Variants in SNAP47 observed in about 807,000 individuals in gnomAD.
SNAP47 encodes the protein synaptosome associated protein 47.
In SNAP47, 20 loss-of-function variants were observed where a neutral mutation model predicts 31.4. That is an observed-to-expected ratio of 0.64 (90% CI 0.45 to 0.93). The LOEUF is 0.93. Ranked by LOEUF, SNAP47 falls within the 40% of genes least tolerant of loss-of-function variation. The pLI is 0.00. For missense variants in SNAP47, 492 were observed against 528.5 expected (o/e 0.93, Z 0.68); for synonymous variants, 194 against 213.4 (o/e 0.91, Z 0.79).
At chr1:227,734,603 CGCAGCGCTAGGGAAG>C, upstream of SNAP47, 1 of 1,597,586 alleles carries the variant, frequency 6.3e-7, no homozygotes, top group Non-Finnish European at 8.6e-7. Context: ...TCTGGGTTCA[CGCAGCGCTAGGGAAG>C]GCAGCGCCTC....
upstream of SNAP47, chr1:227,733,642 C>T (rs1396321795): frequency 3.7e-6 from 6 of 1,604,434 alleles, no homozygotes; most frequent in Non-Finnish European, 4.2e-6. Context: ...CATTGACAGA[C>T]CAGCTGAAGG....
intron 2 of SNAP47, among the ~76,000 whole-genome samples, chr1:227,755,315 C>T (rs1193635085): frequency 6.6e-6 from 1 of 152,178 alleles, no homozygotes; most frequent in East Asian, 1.9e-4. Flanking sequence ...GTGATCCTCC[C>T]ACCTCAGCCT....
At chr1:227,739,217 A>G (rs1217008502) in intron 1 of SNAP47, among the ~76,000 whole-genome samples, 2 of 151,974 alleles carry the variant, frequency 1.3e-5, no homozygotes, top group Non-Finnish European at 2.9e-5. Context: ...CTGGAATGCA[A>G]TAGCGCTATC....
intron 1 of SNAP47, among the ~76,000 whole-genome samples, chr1:227,739,037 T>C (rs1442295031): frequency 6.6e-6 from 1 of 152,182 alleles, no homozygotes; most frequent in Non-Finnish European, 1.5e-5. Context: ...TGGAGTGTTA[T>C]CAGCTCTCAT....
intron 4 of SNAP47, among the ~76,000 whole-genome samples, chr1:227,771,126 G>C (rs1012608349): frequency 2.0e-5 from 3 of 152,144 alleles, no homozygotes; most frequent in Non-Finnish European, 4.4e-5. Context: ...GGGAGGCCAG[G>C]CTCCTTCTCC....
At chr1:227,775,660 T>C (rs1664115522) in intron 4 of SNAP47, 1 of 927,284 alleles carries the variant, frequency 1.1e-6, no homozygotes, top group African/African-American at 1.7e-5. Flanking sequence ...GGTGCGCGCA[T>C]GGACACACAG....
At chr1:227,738,330 G>A (rs1395722325) in intron 1 of SNAP47, among the ~76,000 whole-genome samples, 1 of 152,106 alleles carries the variant, frequency 6.6e-6, no homozygotes, top group Non-Finnish European at 1.5e-5. Context: ...GTGAGCCACC[G>A]CACACCCAGC....
At position 227,759,025 on chromosome 1, in the gene SNAP47, G is replaced by T; in HGVS notation, c.528G>T (p.Trp176Cys). The T allele has an allele frequency of 6.2e-7, 1 of 1,606,384 alleles. No homozygotes were observed. Among genetic ancestry groups the T allele is most frequent in the Non-Finnish European group, 8.5e-7 (1 of 1,177,148 alleles). The change falls in exon 3 of 5, where the codon TGG becomes TGT. Residue 176 changes from tryptophan to cysteine, a missense_variant. Transcript: ENST00000617596. Reference protein sequence around the residue: ...RLLTELESPAWWPFSSKLWKT... With the variant: ...RLLTELESPACWPFSSKLWKT... The stretch of plus-strand genomic sequence containing the variant: ...TGACAGAACTGGAATCTCCTGCTTG[G>T]TGGCCCTTTAGCTCCAAGCTTTGGA...
At chr1:227,751,743 G>GTTT (rs1480767642) in intron 2 of SNAP47, among the ~76,000 whole-genome samples, 1 of 110,528 alleles carries the variant, frequency 9.0e-6, no homozygotes, top group Admixed American at 1.0e-4. Flanking sequence ...ATAAAGACTT[G>GTTT]GTTTTTTTTT....
At chr1:227,734,352 TAAA>T (rs56684758), upstream of SNAP47, 1,073 of 77,294 alleles carry the variant, frequency 0.014, no homozygotes, top group South Asian at 0.045. Context: ...CTAGTCTCTT[TAAA>T]AAAAAAAAAA....
upstream of SNAP47, chr1:227,734,254 G>A (rs757617374): frequency 3.8e-5 from 21 of 555,848 alleles, no homozygotes; most frequent in Non-Finnish European, 6.3e-5. Context: ...TACTGATCAT[G>A]CCTATAATCC....
intron 2 of SNAP47, among the ~76,000 whole-genome samples, chr1:227,755,240 G>A (rs1055294310): frequency 2.6e-5 from 4 of 152,154 alleles, no homozygotes; most frequent in Middle Eastern, 3.4e-3. Flanking sequence ...ATCTTACTCC[G>A]TCACTTGGGC....
intron 3 of SNAP47, among the ~76,000 whole-genome samples, chr1:227,765,718 A>C (rs1163138684): frequency 3.9e-5 from 6 of 152,108 alleles, no homozygotes; most frequent in Admixed American, 3.9e-4. Flanking sequence ...TTCCCACCTG[A>C]GTCTCACCCC....
At chr1:227,731,906 A>G (rs1236668039), upstream of SNAP47, 3 of 166,528 alleles carry the variant, frequency 1.8e-5, no homozygotes, top group African/African-American at 7.2e-5. Flanking sequence ...ACAGCCCATC[A>G]CCTGGAGGTG....
upstream of SNAP47, chr1:227,733,122 G>T: frequency 2.2e-6 from 3 of 1,364,652 alleles, no homozygotes; most frequent in Non-Finnish European, 3.0e-6. Flanking sequence ...GTGGGGTCCA[G>T]CCCTCTGCAG....
At chr1:227,768,247 A>G (rs1663564996) in intron 4 of SNAP47, 4 of 984,704 alleles carry the variant, frequency 4.1e-6, no homozygotes, top group Non-Finnish European at 3.6e-6. Context: ...CTTCCCCTAC[A>G]GTTGATTCCT....
At chr1:227,737,035 G>GT (rs1376184107) in intron 1 of SNAP47, among the ~76,000 whole-genome samples, 1 of 152,228 alleles carries the variant, frequency 6.6e-6, no homozygotes, top group African/African-American at 2.4e-5. Context: ...GCCTGGAAAT[G>GT]TTAAAGGCCC....
At chr1:227,775,914 C>A (rs1297517357) in intron 4 of SNAP47, 3 of 1,302,390 alleles carry the variant, frequency 2.3e-6, no homozygotes, top group Non-Finnish European at 2.0e-6. Context: ...TCTTCCAGAA[C>A]AGCCTTTGCT....
upstream of SNAP47, chr1:227,732,957 T>C (rs904010806): frequency 1.5e-5 from 24 of 1,613,348 alleles, no homozygotes; most frequent in Non-Finnish European, 2.0e-5. Context: ...TAGCTCCTGC[T>C]GCAAGAAGCG....
Sources: allele counts gnomAD v4.1 joint callset (sites outside exome capture counted in the v4.1 genomes callset), GRCh38; gene constraint gnomAD v4.1.1; transcripts MANE v1.5; gene names NCBI Gene and HGNC (gene_info 2026-07-23, HGNC 2026-07-21).